TDP2: variants seen among roughly 807,000 people sequenced by gnomAD.
TDP2 encodes tyrosyl-DNA phosphodiesterase 2.
Under a neutral mutation model 42.8 loss-of-function variants are expected in TDP2, and 38 were observed. The ratio of observed to expected loss-of-function variants is 0.89; its 90% CI spans 0.68 to 1.16. The LOEUF is 1.16. Ranked by LOEUF, TDP2 falls within the 50% of genes most tolerant of loss-of-function variation. The pLI is 0.00. For synonymous variants in TDP2, 173 were observed against 150.6 expected (o/e 1.15, Z -1.09); for missense variants, 439 against 439.3 (o/e 1.00, Z 0.01).
chr6:24,660,582 A>G (rs374721307), intron 2 of TDP2, among the ~76,000 whole-genome samples: 4 of 152,256 alleles, frequency 2.6e-5, no homozygotes, highest in African/African-American at 9.6e-5. Flanking sequence ...TATGTGGTGC[A>G]TAACAGTATA....
rs752415197 is a variant in TDP2 at position 24,666,873 on chromosome 6, C to T, written c.-11G>A. 2 of 1,613,024 alleles carry T rather than the reference C, an allele frequency of 1.2e-6. No homozygotes were observed. Among genetic ancestry groups the T allele is most frequent in the Non-Finnish European group, 1.7e-6 (2 of 1,180,038 alleles). On this transcript the variant is annotated 5_prime_UTR_variant, in exon 1 of 7. Transcript: ENST00000378198. ...ACTCCCCAACTCCATCTTCCTGCCG[C>T]CTCTGCACCGCCCCTTTAAGCGGAA...
chr6:24,651,777 G>A (rs2127616754), intron 6 of TDP2, among the ~76,000 whole-genome samples: 1 of 152,218 alleles, frequency 6.6e-6, no homozygotes, highest in South Asian at 2.1e-4. Flanking sequence ...AGTAGAGATG[G>A]GGTTTCACCG....
chr6:24,659,812 T>C (rs1025148238), intron 2 of TDP2, among the ~76,000 whole-genome samples: 3 of 152,212 alleles, frequency 2.0e-5, no homozygotes, highest in Non-Finnish European at 4.4e-5. Flanking sequence ...CTGGGACTTT[T>C]GAGGTTTGGC....
At chr6:24,661,047 A>G (rs908146865) in intron 2 of TDP2, among the ~76,000 whole-genome samples, 4 of 152,186 alleles carry the variant, frequency 2.6e-5, no homozygotes, top group Non-Finnish European at 4.4e-5. Context: ...TCTAGTACGA[A>G]GTTATAATTT....
intron 2 of TDP2, among the ~76,000 whole-genome samples, chr6:24,661,903 A>G (rs2127618483): frequency 6.6e-6 from 1 of 152,324 alleles, no homozygotes; most frequent in South Asian, 2.1e-4. Flanking sequence ...TGTACTAAGA[A>G]AAATTCTTCT....
intron 4 of TDP2, among the ~76,000 whole-genome samples, chr6:24,657,179 T>C (rs1388478600): frequency 6.6e-6 from 1 of 152,154 alleles, no homozygotes; most frequent in Non-Finnish European, 1.5e-5. Flanking sequence ...CAAATGCAGG[T>C]TGAAAATACA....
intron 2 of TDP2, among the ~76,000 whole-genome samples, chr6:24,663,877 T>G (rs993313210): frequency 2.6e-5 from 4 of 152,194 alleles, no homozygotes; most frequent in Non-Finnish European, 5.9e-5. Flanking sequence ...TCTCTGCAAT[T>G]TATGCAACAC....
chr6:24,658,683 G>C lies in TDP2; in HGVS notation c.303C>G (p.Ser101Arg). Reference protein sequence around the residue: ...ETTDSTTSKISPSEDTQQENG... With the variant: ...ETTDSTTSKIRPSEDTQQENG... ...TTTCTTGCTGAGTATCTTCAGATGG[G>C]CTGATTTTAGAAGTGGTGGAATCAG... The change falls in exon 3 of 7, where the codon AGC (serine) becomes AGG (arginine). Residue 101 changes from serine to arginine, a missense_variant. Ser to Arg is a moderately radical substitution (Grantham distance 110). Coordinates refer to ENST00000378198, the MANE Select transcript of TDP2 (RefSeq NM_016614.3). 1 of 1,613,926 alleles carries C rather than the reference G, an allele frequency of 6.2e-7. No homozygotes were observed. Among genetic ancestry groups the C allele is most frequent in the Non-Finnish European group, 8.5e-7 (1 of 1,179,846 alleles).
At chr6:24,655,378 G>GCT (rs1318345920) in intron 4 of TDP2, among the ~76,000 whole-genome samples, 1 of 152,174 alleles carries the variant, frequency 6.6e-6, no homozygotes. Flanking sequence ...AGTGACTGTA[G>GCT]CAGAGAACCA....
chr6:24,666,571 C>G lies in TDP2; in HGVS notation c.206G>C (p.Ser69Thr). The stretch of plus-strand genomic sequence containing the variant: ...GGTTTCAGGTCGGCGTTCCAAGGCG[C>G]TCTCCTCCACCGGAGGCTCGAAGTA... ...NSYFEPPVEE[S>T]ALERRPETIS... The change falls in exon 2 of 7, where the codon AGC (serine) becomes ACC (threonine). Residue 69 changes from serine to threonine, a missense_variant. Coordinates refer to ENST00000378198, the MANE Select transcript of TDP2 (RefSeq NM_016614.3). The G allele has an allele frequency of 6.2e-7, 1 of 1,614,202 alleles. No individual in the cohort carries two copies. Among genetic ancestry groups the G allele is most frequent in the South Asian group, 1.1e-5 (1 of 91,088 alleles).
At chr6:24,665,605 T>G (rs893164008) in intron 2 of TDP2, among the ~76,000 whole-genome samples, 1 of 152,222 alleles carries the variant, frequency 6.6e-6, no homozygotes, top group Non-Finnish European at 1.5e-5. Flanking sequence ...GGGAGCTTAT[T>G]ATGTGTCAAA....
At chr6:24,660,152 T>C (rs887123225) in intron 2 of TDP2, among the ~76,000 whole-genome samples, 4 of 152,260 alleles carry the variant, frequency 2.6e-5, no homozygotes, top group African/African-American at 9.6e-5. Context: ...TCCTCAAATA[T>C]TAACATTTTA....
intron 3 of TDP2, 88 bp from the exon 4 acceptor site, chr6:24,657,991 A>G (rs901263863): frequency 2.8e-5 from 24 of 854,932 alleles, no homozygotes; most frequent in Non-Finnish European, 4.2e-5. Context: ...CAACATACCA[A>G]AAACAAAAAA....
In TDP2 at chr6:24,650,670, G is replaced by C; in HGVS notation, c.*118C>G. ...TCTGAAAACACAACCATAAATCATA[G>C]TTGGTTTTTCTGTGACAATGATCTA... On this transcript the variant is annotated 3_prime_UTR_variant, in exon 7 of 7. Coordinates refer to ENST00000378198, the MANE Select transcript of TDP2 (RefSeq NM_016614.3). The C allele has an allele frequency of 1.0e-6, 1 of 952,654 alleles. No individual in the cohort carries two copies. The highest frequency in any genetic ancestry group is 1.6e-6 in the Non-Finnish European group (1 of 642,782). The allele number at this position is 952,654 out of a possible 1,614,324, so 59.0% of individuals were successfully genotyped here.
intron 2 of TDP2, 31 bp downstream of exon 2, chr6:24,666,495 C>G: frequency 6.2e-7 from 1 of 1,605,618 alleles, no homozygotes; most frequent in Non-Finnish European, 8.5e-7. Context: ...TGCCTCCGTG[C>G]GGACTGGCTC....
intron 4 of TDP2, among the ~76,000 whole-genome samples, chr6:24,655,996 T>C (rs1388700402): frequency 1.3e-5 from 2 of 152,238 alleles, no homozygotes; most frequent in East Asian, 3.9e-4. Context: ...TGTTTAAATG[T>C]GAACCAAAAG....
Position 24,650,238 on chromosome 6 carries a change from A to G in TDP2, c.*550T>C, listed in dbSNP as rs1777948749. The G allele has an allele frequency of 6.5e-6, 1 of 152,704 alleles. No individual in the cohort carries two copies. Among genetic ancestry groups the G allele is most frequent in the South Asian group, 2.1e-4 (1 of 4,840 alleles). The allele number at this position is 152,704 out of a possible 1,614,324, so 9.5% of individuals were successfully genotyped here. On this transcript the variant is annotated 3_prime_UTR_variant, in exon 7 of 7. Transcript: ENST00000378198. ...ACAAACATGAATCAAAAAGGAGTTA[A>G]GGAATTTTAAGCCATAAGGTTTCAA...
intron 2 of TDP2, among the ~76,000 whole-genome samples, chr6:24,660,956 T>A (rs1778138813): frequency 6.6e-6 from 1 of 152,214 alleles, no homozygotes; most frequent in African/African-American, 2.4e-5. Context: ...ATGCACCATA[T>A]CAAGCATCTG....
Position 24,660,463 on chromosome 6 carries a change from A to G in TDP2, c.252-1729T>C, listed in dbSNP as rs188061340. ...AGGCAACTGTAACACAATGGCACTT[A>G]CTTGTGTTCTAAAAATACCTAATAT... On this transcript the variant is annotated intron_variant, in intron 2 of 6. Transcript: ENST00000378198. Among the ~76,000 whole-genome samples the G allele has an allele frequency of 2.1e-3, 316 of 152,312 alleles. 4 individuals carry two copies. The highest frequency in any genetic ancestry group is 2.6e-4 in the Admixed American group (4 of 15,300).
Sources: allele counts gnomAD v4.1 joint callset (sites outside exome capture counted in the v4.1 genomes callset), GRCh38; gene constraint gnomAD v4.1.1; transcripts MANE v1.5; gene names NCBI Gene and HGNC (gene_info 2026-07-23, HGNC 2026-07-21).